Variants in NBAS observed in about 807,000 individuals in gnomAD.
The protein encoded by NBAS is NBAS subunit of NRZ tethering complex.
NBAS carries 219 observed loss-of-function variants against 302.5 expected under a neutral mutation model. That is an observed-to-expected ratio of 0.72 (90% confidence interval 0.65 to 0.81). NBAS has a LOEUF of 0.81. NBAS is among the 30% of genes least tolerant of loss of function. NBAS has a pLI of 0.00. For synonymous variants in NBAS, 1,118 were observed against 1,021.6 expected (o/e 1.09, Z -1.80); for missense variants, 2,932 against 2,841.6 (o/e 1.03, Z -0.72).
chr2:14,847,721 T>A, the NBAS span, among the ~76,000 whole-genome samples: 13 of 152,230 alleles, frequency 8.5e-5, no homozygotes, highest in African/African-American at 3.1e-4. Flanking sequence ...ATTGGACAGA[T>A]CCTCCAGACA....
At chr2:14,897,649 G>T in the NBAS span, among the ~76,000 whole-genome samples, 1 of 149,740 alleles carries the variant, frequency 6.7e-6, no homozygotes, top group East Asian at 1.9e-4. Context: ...ACACAATATT[G>T]GCCAGGGAGT....
At chr2:15,455,526 G>A (rs1453357227) in intron 21 of NBAS, among the ~76,000 whole-genome samples, 1 of 152,016 alleles carries the variant, frequency 6.6e-6, no homozygotes, top group African/African-American at 2.4e-5. Flanking sequence ...ATAAGTATAT[G>A]AAGTATATAA....
At chr2:15,053,643 T>TC in the NBAS span, among the ~76,000 whole-genome samples, 1 of 151,272 alleles carries the variant, frequency 6.6e-6, no homozygotes, top group Non-Finnish European at 1.5e-5. Flanking sequence ...TAGTGTCCTT[T>TC]CCCCTGCAGA....
At chr2:14,858,213 G>T in the NBAS span, among the ~76,000 whole-genome samples, 1 of 152,222 alleles carries the variant, frequency 6.6e-6, no homozygotes, top group South Asian at 2.1e-4. Flanking sequence ...CTGTTGGTGG[G>T]AATGTGAATT....
intron 35 of NBAS, among the ~76,000 whole-genome samples, chr2:15,335,360 C>A (rs1486389248): frequency 6.6e-6 from 1 of 152,040 alleles, no homozygotes; most frequent in African/African-American, 2.4e-5. Context: ...ATATACTTAG[C>A]AGTGGAATTG....
chr2:15,363,455 C>T (rs1388189623), intron 32 of NBAS, among the ~76,000 whole-genome samples: 2 of 151,986 alleles, frequency 1.3e-5, no homozygotes, highest in Non-Finnish European at 1.5e-5. Flanking sequence ...TAGCCAGATG[C>T]AAAGGTCTTG....
chr2:14,996,549 A>G, the NBAS span, among the ~76,000 whole-genome samples: 1 of 152,318 alleles, frequency 6.6e-6, no homozygotes, highest in East Asian at 1.9e-4. Context: ...GCCCAGAGGG[A>G]AATACTTCCA....
In NBAS at chr2:15,473,337, T is replaced by G; in HGVS notation, c.1610A>C (p.Glu537Ala). ...CAAGGACAAGGCTTCCTCATACTCT[T>G]CACTTTCAATCTTCAGATAAAAACA... ...EELYQRKIES[E>A]EYEEALSLAH... The change falls in exon 16 of 52, where the codon GAA becomes GCA. Residue 537 changes from glutamate (E) to alanine (A), a missense_variant. Transcript: ENST00000281513. 3 of 1,613,830 alleles carry G rather than the reference T, an allele frequency of 1.9e-6. No individual in the cohort carries two copies.
At chr2:14,878,147 A>G in the NBAS span, among the ~76,000 whole-genome samples, 1 of 152,198 alleles carries the variant, frequency 6.6e-6, no homozygotes, top group Non-Finnish European at 1.5e-5. Flanking sequence ...CAACACTAAA[A>G]TCCTGCCTTA....
the NBAS span, among the ~76,000 whole-genome samples, chr2:14,910,495 G>T: frequency 9.4e-4 from 143 of 152,244 alleles, no homozygotes; most frequent in Admixed American, 1.6e-3. Context: ...TAGAACCAAG[G>T]TCCCTCAGCC....
At chr2:15,060,686 C>A in the NBAS span, among the ~76,000 whole-genome samples, 2 of 152,182 alleles carry the variant, frequency 1.3e-5, no homozygotes, top group East Asian at 3.9e-4. Flanking sequence ...GATCCTAGAT[C>A]TACTACTTTC....
At chr2:15,007,516 A>T in the NBAS span, among the ~76,000 whole-genome samples, 2 of 151,782 alleles carry the variant, frequency 1.3e-5, no homozygotes, top group Non-Finnish European at 2.9e-5. Flanking sequence ...TTTCTTGTGG[A>T]GCTTTTTTGT....
chr2:15,523,872 C>T (rs61543816), intron 9 of NBAS, among the ~76,000 whole-genome samples: 1,915 of 152,250 alleles, frequency 0.013, 36 homozygotes, highest in African/African-American at 0.043. Flanking sequence ...CGAGATCACG[C>T]CACTGCACTC....
At chr2:15,397,689 C>A in intron 26 of NBAS, 2 of 505,126 alleles carry the variant, frequency 4.0e-6, no homozygotes, top group Non-Finnish European at 7.4e-6. Context: ...CCCTTGTACT[C>A]GGGCACACAT....
rs1485546301 is a variant in NBAS at position 15,461,333 on chromosome 2, C to T, written c.2207G>A (p.Ser736Asn). 1 of 1,611,708 alleles carries T rather than the reference C, an allele frequency of 6.2e-7. No homozygotes were observed. The highest frequency in any genetic ancestry group is 1.7e-5 in the Admixed American group (1 of 59,990). ...VLSARTYAQE[S>N]NVQALEILFT... is the part of the protein sequence containing the mutation. ...CAGAATTTCCAGGGCTTGTACATTACTTTCCTGTACAAAAGGCAAGGGGTA... is the reference window on the plus strand; with the variant it reads ...CAGAATTTCCAGGGCTTGTACATTATTTTCCTGTACAAAAGGCAAGGGGTA... Residue 736 changes from serine to asparagine, a missense_variant, in exon 21 of 52, where the codon AGT (serine) becomes AAT (asparagine). Coordinates refer to ENST00000281513, the MANE Select transcript of NBAS (RefSeq NM_015909.4).
chr2:15,124,196 A>G, the NBAS span, among the ~76,000 whole-genome samples: 1 of 152,162 alleles, frequency 6.6e-6, no homozygotes, highest in Non-Finnish European at 1.5e-5. Context: ...TGAACTTGAG[A>G]GTGATGACTT....
the NBAS span, among the ~76,000 whole-genome samples, chr2:14,898,550 A>C: frequency 6.6e-6 from 1 of 152,200 alleles, no homozygotes; most frequent in African/African-American, 2.4e-5. Flanking sequence ...TACTCTCATA[A>C]TTCCCACATG....
At chr2:14,838,218 C>T in the NBAS span, among the ~76,000 whole-genome samples, 37 of 152,046 alleles carry the variant, frequency 2.4e-4, no homozygotes, top group African/African-American at 8.2e-4. Context: ...GCCCATTTTA[C>T]TTTATGTCTC....
chr2:15,250,089 A>G (rs543671331), intron 44 of NBAS, among the ~76,000 whole-genome samples: 232 of 152,346 alleles, frequency 1.5e-3, no homozygotes, highest in African/African-American at 4.8e-3. Context: ...TAACCAGAAC[A>G]GCATGGTACT....
Sources: gnomAD v4.1 joint callset for allele counts (sites outside exome capture counted in the v4.1 genomes callset) on GRCh38, gnomAD v4.1.1 for gene constraint, MANE v1.5 for transcripts, NCBI Gene and HGNC (gene_info 2026-07-23, HGNC 2026-07-21) for gene names.